The following ELAVL2 variants were observed in gnomAD, a reference collection of about 807,000 sequenced individuals.
ELAVL2 encodes the protein ELAV-like protein 2.
Under a neutral mutation model 34.6 loss-of-function variants are expected in ELAVL2, and 4 were observed. The observed-to-expected ratio is 0.12, with a 90% CI of 0.06 to 0.26. The LOEUF (loss-of-function observed/expected upper bound fraction) is 0.26, where lower values mean the gene tolerates loss of function less well. ELAVL2 is among the 10% of genes least tolerant of loss of function. The pLI, the probability that ELAVL2 is intolerant of heterozygous loss-of-function variation, is 1.00. For synonymous variants in ELAVL2, 193 were observed against 154.8 expected (o/e 1.25, Z -1.83); for missense variants, 432 against 442.8 (o/e 0.98, Z 0.22).
chr9:23,695,092 C>T (rs2034661874), intron 5 of ELAVL2, among the ~76,000 whole-genome samples: 2 of 152,084 alleles, frequency 1.3e-5, no homozygotes, highest in Admixed American at 1.3e-4. Context: ...TTATTTTTTG[C>T]AGAGGTGAGT....
At chr9:23,765,222 T>G in intron 1 of ELAVL2, 1 of 821,964 alleles carries the variant, frequency 1.2e-6, no homozygotes. Context: ...TGTGGCTTAA[T>G]TGAAATTGAG....
intron 2 of ELAVL2, among the ~76,000 whole-genome samples, chr9:23,734,221 G>T (rs1325263793): frequency 6.6e-6 from 1 of 152,146 alleles, no homozygotes; most frequent in African/African-American, 2.4e-5. Flanking sequence ...TGTAATCAAG[G>T]CAGCAAATAT....
chr9:23,779,374 G>C lies in ELAVL2; in HGVS notation c.-15-17125C>G, dbSNP rs547396843. The C allele has an allele frequency of 8.9e-5, 88 of 985,390 alleles. 1 individual carries two copies. The South Asian group carries it at 3.9e-3, about 44-fold the overall frequency. 61.0% of individuals were successfully genotyped at this position (985,390 alleles called of 1,614,324 possible). On this transcript the variant is annotated intron_variant, in intron 1 of 6. Transcript: ENST00000397312. ...AAGTCTTCAAAGGCAAGGGAAGAAA[G>C]CAACGCCCTGCCTAAACACTGGCTA...
chr9:23,832,064 G>A, the ELAVL2 span: 1 of 152,200 alleles, frequency 6.6e-6, no homozygotes, highest in Non-Finnish European at 1.5e-5. Flanking sequence ...TCTGAGCAGG[G>A]GTGAGAGGAA....
intron 3 of ELAVL2, among the ~76,000 whole-genome samples, chr9:23,725,090 C>A (rs2044738505): frequency 6.6e-6 from 1 of 152,122 alleles, no homozygotes; most frequent in Non-Finnish European, 1.5e-5. Flanking sequence ...GCCAGAAAAA[C>A]ACTAGGGTGG....
At chr9:23,757,791 T>C (rs2053933933) in intron 2 of ELAVL2, among the ~76,000 whole-genome samples, 1 of 152,074 alleles carries the variant, frequency 6.6e-6, no homozygotes, top group Admixed American at 6.6e-5. Flanking sequence ...GAGAAGATTA[T>C]TGTATTTGCT....
chr9:23,773,475 G>A (rs3793585), intron 1 of ELAVL2, among the ~76,000 whole-genome samples: 4,574 of 152,210 alleles, frequency 0.03, 85 homozygotes, highest in East Asian at 0.071. Flanking sequence ...CATTTGAAAC[G>A]AACGCTTAAG....
At chr9:23,773,648 G>A (rs1032758787) in intron 1 of ELAVL2, among the ~76,000 whole-genome samples, 2 of 152,050 alleles carry the variant, frequency 1.3e-5, no homozygotes, top group Non-Finnish European at 2.9e-5. Context: ...AGAGGAGAAG[G>A]GAGCACATAC....
chr9:23,802,148 G>C (rs747992892), intron 1 of ELAVL2, among the ~76,000 whole-genome samples: 39 of 152,108 alleles, frequency 2.6e-4, no homozygotes, highest in Admixed American at 5.9e-4. Context: ...ACCAATACAG[G>C]AAGAAGAAAA....
At chr9:23,790,193 A>T (rs1397971734) in intron 1 of ELAVL2, among the ~76,000 whole-genome samples, 1 of 152,180 alleles carries the variant, frequency 6.6e-6, no homozygotes, top group East Asian at 1.9e-4. Context: ...CAGATGTAAC[A>T]GGTGTAATGA....
At chr9:23,773,674 A>T (rs1009894124) in intron 1 of ELAVL2, among the ~76,000 whole-genome samples, 1 of 152,198 alleles carries the variant, frequency 6.6e-6, no homozygotes, top group Admixed American at 6.5e-5. Context: ...TACAGGCTAC[A>T]TTTTAACAGG....
chr9:23,741,941 G>C (rs965553930), intron 2 of ELAVL2, among the ~76,000 whole-genome samples: 3 of 152,092 alleles, frequency 2.0e-5, no homozygotes, highest in Non-Finnish European at 4.4e-5. Flanking sequence ...AGCTGAACCT[G>C]GGTTCGGTTA....
chr9:23,705,372 T>G (rs2038966967), intron 3 of ELAVL2, among the ~76,000 whole-genome samples: 3 of 152,214 alleles, frequency 2.0e-5, no homozygotes, highest in Non-Finnish European at 2.9e-5. Flanking sequence ...CTAAAAATGG[T>G]CAATGGGTCT....
At chr9:23,845,336 G>A in the ELAVL2 span, among the ~76,000 whole-genome samples, 2 of 151,580 alleles carry the variant, frequency 1.3e-5, no homozygotes, top group African/African-American at 4.8e-5. Flanking sequence ...TATGATTTTA[G>A]TACATAATCA....
intron 3 of ELAVL2, among the ~76,000 whole-genome samples, chr9:23,708,819 T>C (rs2040130108): frequency 6.6e-6 from 1 of 151,924 alleles, no homozygotes; most frequent in African/African-American, 2.4e-5. Flanking sequence ...TTTGTATTTT[T>C]TAGAGACAGG....
intron 1 of ELAVL2, among the ~76,000 whole-genome samples, chr9:23,773,431 T>C (rs1261754686): frequency 2.6e-4 from 40 of 152,146 alleles, no homozygotes; most frequent in Admixed American, 2.6e-3. Context: ...ACTTCCCGCT[T>C]TGCAAGTTGT....
At chr9:23,736,264 T>A (rs1390916142) in intron 2 of ELAVL2, among the ~76,000 whole-genome samples, 1 of 151,898 alleles carries the variant, frequency 6.6e-6, no homozygotes, top group Non-Finnish European at 1.5e-5. Context: ...TTGTGGAAAA[T>A]AAAATTTTGT....
chr9:23,841,030 A>C, the ELAVL2 span, among the ~76,000 whole-genome samples: 1 of 152,156 alleles, frequency 6.6e-6, no homozygotes, highest in Admixed American at 6.5e-5. Context: ...AGTCAATTTT[A>C]AATATTAACA....
chr9:23,764,974 A>C, intron 1 of ELAVL2: 1 of 1,599,524 alleles, frequency 6.3e-7, no homozygotes, highest in Non-Finnish European at 8.5e-7. Flanking sequence ...GCTAAAAAAA[A>C]GTAGCCTACA....
Sources: gnomAD v4.1 joint callset for allele counts (sites outside exome capture counted in the v4.1 genomes callset) on GRCh38, gnomAD v4.1.1 for gene constraint, MANE v1.5 for transcripts, NCBI Gene and HGNC (gene_info 2026-07-23, HGNC 2026-07-21) for gene names.